Variants in CSMD1 observed in about 807,000 individuals in gnomAD.
CSMD1 encodes CUB and Sushi multiple domains 1.
A neutral mutation model predicts 417.5 loss-of-function variants in CSMD1; 213 were observed. That is an observed-to-expected ratio of 0.51 (90% CI 0.46 to 0.57). The LOEUF is 0.57. Among genes scored for constraint, CSMD1 ranks in the 20% least tolerant of loss-of-function variants. The pLI is 0.00. For missense variants in CSMD1, 6,923 were observed against 4,529.7 expected (o/e 1.53, Z -15.17); for synonymous variants, 2,862 against 1,736.8 (o/e 1.65, Z -16.11).
intron 18 of CSMD1, among the ~76,000 whole-genome samples, chr8:3,369,880 G>C (rs1433381282): frequency 2.0e-5 from 3 of 152,214 alleles, no homozygotes; most frequent in Non-Finnish European, 2.9e-5. Flanking sequence ...AAAGTTATGA[G>C]TTCAAATGCC....
intron 20 of CSMD1, 48 bp from the exon 21 acceptor site, chr8:3,359,388 C>G (rs778973715): frequency 9.0e-7 from 1 of 1,106,460 alleles, no homozygotes; most frequent in Admixed American, 2.2e-5. Context: ...TGGGTAAATA[C>G]ACAAAGATTA....
chr8:3,645,754 GT>G lies in CSMD1; in HGVS notation c.1010-28958del, dbSNP rs896702318. Among the ~76,000 whole-genome samples, 5 of 152,142 alleles carry G rather than the reference GT, an allele frequency of 3.3e-5. 1 individual carries two copies. Among genetic ancestry groups the G allele is most frequent in the African/African-American group, 1.2e-4 (5 of 41,430 alleles). ...GCTGGCATCTGGAGGCAAAAGTTAGGTTATTATAAGAAAAGGTGAGAAAAAC... is the reference window on the plus strand; with the variant it reads ...GCTGGCATCTGGAGGCAAAAGTTAGGTATTATAAGAAAAGGTGAGAAAAAC... On this transcript the variant is annotated intron_variant, in intron 7 of 69. Transcript: ENST00000635120.
intron 49 of CSMD1, among the ~76,000 whole-genome samples, chr8:3,079,940 T>C (rs552933575): frequency 6.6e-6 from 1 of 152,236 alleles, no homozygotes; most frequent in Non-Finnish European, 1.5e-5. Context: ...TCCTTGGCCA[T>C]GCTATGTAGA....
At chr8:4,070,773 C>T (rs1052630606) in intron 3 of CSMD1, among the ~76,000 whole-genome samples, 2 of 152,196 alleles carry the variant, frequency 1.3e-5, no homozygotes, top group African/African-American at 4.8e-5. Context: ...GTCACTGACA[C>T]CCTCTCATAA....
chr8:3,481,111 A>C (rs1817718829), intron 11 of CSMD1, among the ~76,000 whole-genome samples: 1 of 141,662 alleles, frequency 7.1e-6, no homozygotes, highest in African/African-American at 2.6e-5. Context: ...AGCCCAGATT[A>C]GCCACTGCAC....
intron 3 of CSMD1, among the ~76,000 whole-genome samples, chr8:4,034,041 A>C (rs1797491971): frequency 6.6e-6 from 1 of 152,224 alleles, no homozygotes. Context: ...ATTGAACAGA[A>C]ACTATTTCAT....
At chr8:4,716,139 G>C (rs944615116) in intron 1 of CSMD1, among the ~76,000 whole-genome samples, 4 of 152,156 alleles carry the variant, frequency 2.6e-5, no homozygotes, top group Non-Finnish European at 5.9e-5. Context: ...GACCTGCCTG[G>C]TGAGCCAGGC....
chr8:4,223,210 G>C lies in CSMD1; in HGVS notation c.416-191111C>G, dbSNP rs144741375. Among the ~76,000 whole-genome samples, 4 of 152,028 alleles carry C rather than the reference G, an allele frequency of 2.6e-5. No individual in the cohort carries two copies. The East Asian group carries it at 7.8e-4, about 30-fold the overall frequency. On this transcript the variant is annotated intron_variant, in intron 3 of 69. Transcript: ENST00000635120. ...AAGTCACTTCTGCACCCCGAGAAAA[G>C]CCACAAATGAAATCTTTGCTTCTTG...
chr8:4,685,204 A>C (rs1806294677), intron 1 of CSMD1, among the ~76,000 whole-genome samples: 1 of 152,220 alleles, frequency 6.6e-6, no homozygotes, highest in Non-Finnish European at 1.5e-5. Context: ...AAATGAGAAT[A>C]ATGGCCGTAA....
intron 3 of CSMD1, among the ~76,000 whole-genome samples, chr8:4,171,144 C>G (rs563579674): frequency 6.6e-6 from 1 of 152,004 alleles, no homozygotes; most frequent in East Asian, 1.9e-4. Flanking sequence ...CATGCTCCTG[C>G]TTAGTGCCCA....
chr8:4,345,184 G>T (rs144225728), intron 3 of CSMD1, among the ~76,000 whole-genome samples: 1 of 152,244 alleles, frequency 6.6e-6, no homozygotes, highest in African/African-American at 2.4e-5. Flanking sequence ...TTACATGCAA[G>T]ACATCGCATT....
chr8:3,296,651 G>T (rs1301671371), intron 25 of CSMD1, among the ~76,000 whole-genome samples: 2 of 152,140 alleles, frequency 1.3e-5, no homozygotes, highest in Admixed American at 6.5e-5. Flanking sequence ...GAATATGGAG[G>T]TACCCAGGCA....
intron 25 of CSMD1, among the ~76,000 whole-genome samples, chr8:3,291,924 G>T (rs1248715343): frequency 6.6e-6 from 1 of 151,920 alleles, no homozygotes; most frequent in Non-Finnish European, 1.5e-5. Flanking sequence ...ATGTTAGGGT[G>T]TCAATTTTAG....
At chr8:3,618,820 C>T (rs1002077206) in intron 7 of CSMD1, among the ~76,000 whole-genome samples, 5 of 152,264 alleles carry the variant, frequency 3.3e-5, no homozygotes, top group Admixed American at 6.5e-5. Context: ...CCATGACTTG[C>T]GTGGCACAGT....
intron 26 of CSMD1, among the ~76,000 whole-genome samples, chr8:3,245,640 C>G (rs1039665929): frequency 6.6e-6 from 1 of 152,174 alleles, no homozygotes; most frequent in African/African-American, 2.4e-5. Flanking sequence ...CCGCAGGCAC[C>G]TGACTCCAAG....
At chr8:3,906,822 A>T (rs1050833730) in intron 5 of CSMD1, among the ~76,000 whole-genome samples, 28 of 152,356 alleles carry the variant, frequency 1.8e-4, no homozygotes, top group African/African-American at 6.0e-4. Context: ...ATACATAGGC[A>T]TATATCAAGA....
chr8:4,117,435 C>T (rs992771652), intron 3 of CSMD1, among the ~76,000 whole-genome samples: 1 of 151,982 alleles, frequency 6.6e-6, no homozygotes, highest in Non-Finnish European at 1.5e-5. Context: ...CAAGCAGGAC[C>T]GCATGCTGCA....
intron 26 of CSMD1, among the ~76,000 whole-genome samples, chr8:3,236,943 A>C (rs1799188831): frequency 6.6e-6 from 1 of 151,946 alleles, no homozygotes; most frequent in African/African-American, 2.4e-5. Flanking sequence ...GGCACTTTCC[A>C]CAGGCCCATT....
chr8:4,213,133 A>G (rs569712133), intron 3 of CSMD1, among the ~76,000 whole-genome samples: 11 of 152,280 alleles, frequency 7.2e-5, no homozygotes, highest in African/African-American at 2.4e-4. Context: ...CAAAGACAAC[A>G]TCTGGAAAAT....
Sources: gnomAD v4.1 joint callset for allele counts (sites outside exome capture counted in the v4.1 genomes callset) on GRCh38, gnomAD v4.1.1 for gene constraint, MANE v1.5 for transcripts, NCBI Gene and HGNC (gene_info 2026-07-23, HGNC 2026-07-21) for gene names.